TENM3: variants seen among roughly 807,000 people sequenced by gnomAD.
The protein encoded by TENM3 is teneurin-3.
TENM3 carries 63 observed loss-of-function variants against 255.1 expected under a neutral mutation model. The ratio of observed to expected loss-of-function variants is 0.25; its 90% CI spans 0.20 to 0.30. The LOEUF (loss-of-function observed/expected upper bound fraction) is 0.30. TENM3 is among the 10% of genes least tolerant of loss of function. The pLI, the probability that TENM3 is intolerant of heterozygous loss-of-function variation, is 1.00. For missense variants in TENM3, 2,929 were observed against 3,461.1 expected, an observed-to-expected ratio of 0.85 and a Z score of 3.86; for synonymous variants, 1,306 against 1,322.3, an observed-to-expected ratio of 0.99 and a Z score of 0.27.
chr4:182,103,893 T>A, the TENM3 span, among the ~76,000 whole-genome samples: 1 of 151,888 alleles, frequency 6.6e-6, no homozygotes, highest in South Asian at 2.1e-4. Context: ...ATGCAAATTG[T>A]CCTTTATTTT....
At chr4:182,795,464 T>C (rs920812315) in intron 26 of TENM3, among the ~76,000 whole-genome samples, 2 of 152,150 alleles carry the variant, frequency 1.3e-5, no homozygotes, top group Non-Finnish European at 2.9e-5. Context: ...GTGAACCACT[T>C]AGGATTTATG....
the TENM3 span, among the ~76,000 whole-genome samples, chr4:182,119,444 G>C: frequency 2.0e-5 from 3 of 151,422 alleles, no homozygotes; most frequent in Admixed American, 1.3e-4. Context: ...TTACGGTTCC[G>C]GTTTACCTCC....
At chr4:181,570,039 T>TC in the TENM3 span, among the ~76,000 whole-genome samples, 8 of 145,092 alleles carry the variant, frequency 5.5e-5, no homozygotes, top group East Asian at 2.0e-4. Context: ...ATGTTTCTTT[T>TC]TTTTTTTTTT....
the TENM3 span, among the ~76,000 whole-genome samples, chr4:181,720,634 A>G: frequency 3.9e-5 from 6 of 152,140 alleles, no homozygotes; most frequent in African/African-American, 1.4e-4. Flanking sequence ...ATTTTTTTTT[A>G]ACAAACACTC....
chr4:181,972,436 C>CAA, the TENM3 span, among the ~76,000 whole-genome samples: 45,301 of 114,728 alleles, frequency 0.39, 8,566 homozygotes, highest in South Asian at 0.48. Context: ...CCTCCTTGTC[C>CAA]AAAAAAAAAA....
chr4:181,688,292 T>C, the TENM3 span, among the ~76,000 whole-genome samples: 1 of 152,156 alleles, frequency 6.6e-6, no homozygotes, highest in African/African-American at 2.4e-5. Context: ...TAAGTTTCTT[T>C]GCCTAAGTCT....
intron 1 of TENM3, among the ~76,000 whole-genome samples, chr4:182,300,683 C>G (rs1761799462): frequency 6.6e-6 from 1 of 152,198 alleles, no homozygotes; most frequent in African/African-American, 2.4e-5. Flanking sequence ...CTGTAGAATT[C>G]TCTAGCTCGT....
chr4:181,779,972 C>A, the TENM3 span, among the ~76,000 whole-genome samples: 15 of 152,006 alleles, frequency 9.9e-5, no homozygotes, highest in African/African-American at 2.7e-4. Context: ...TGAACTCATC[C>A]TTTTTATGGC....
chr4:182,091,289 C>CA, the TENM3 span, among the ~76,000 whole-genome samples: 1 of 152,124 alleles, frequency 6.6e-6, no homozygotes, highest in Non-Finnish European at 1.5e-5. Context: ...ATCCAATCAA[C>CA]AAAAAGTATA....
the TENM3 span, among the ~76,000 whole-genome samples, chr4:181,864,711 T>C: frequency 1.3e-5 from 2 of 152,120 alleles, no homozygotes; most frequent in Non-Finnish European, 2.9e-5. Context: ...ACCGCCCGTA[T>C]AGGTATGAAC....
chr4:181,749,809 G>T, the TENM3 span, among the ~76,000 whole-genome samples: 1 of 152,150 alleles, frequency 6.6e-6, no homozygotes, highest in Admixed American at 6.6e-5. Flanking sequence ...TCTGTAAGTG[G>T]CAAGACTAGA....
chr4:182,792,324 T>A lies in TENM3; in HGVS notation c.5652T>A (p.Asp1884Glu), dbSNP rs760078724. 1.2e-6 allele frequency: 2 copies of A among 1,613,878 alleles called. No homozygotes were observed. The highest frequency in any genetic ancestry group is 8.5e-7 in the Non-Finnish European group (1 of 1,179,904). The change falls in exon 26 of 28, where the codon GAT (aspartate) becomes GAA (glutamate). Residue 1884 changes from aspartate to glutamate, a missense_variant. Physicochemically the swap from Asp to Glu is conservative, Grantham distance 45 (BLOSUM62 2). This residue lies in a region of TENM3 where 303 missense variants were observed against 425.2 expected (regional missense o/e 0.71). Coordinates refer to ENST00000511685, the MANE Select transcript of TENM3 (RefSeq NM_001080477.4). The surrounding 1 kb of genome is among the most constrained non-coding windows in gnomAD (Gnocchi z 6.3). Reference sequence around the variant, plus strand: ...AGCGGCAGTACATCTTCGAATACGATATGTGGGACCGCCTGTCTGCCATCA... The same window carrying A: ...AGCGGCAGTACATCTTCGAATACGAAATGTGGGACCGCCTGTCTGCCATCA... ...HSQRQYIFEY[D>E]MWDRLSAITM... is the part of the protein sequence containing the mutation.
the TENM3 span, among the ~76,000 whole-genome samples, chr4:181,605,574 G>GAAAGAAAA: frequency 4.6e-5 from 1 of 21,978 alleles, no homozygotes; most frequent in Non-Finnish European, 1.2e-4. Flanking sequence ...AAGAAAGAGA[G>GAAAGAAAA]AGAAAGAAAG....
At chr4:181,988,007 G>A in the TENM3 span, among the ~76,000 whole-genome samples, 1 of 151,908 alleles carries the variant, frequency 6.6e-6, no homozygotes, top group South Asian at 2.1e-4. Flanking sequence ...GGGGTAGGGG[G>A]TTAAATAAGG....
chr4:182,496,108 G>T (rs1735749285), intron 3 of TENM3, among the ~76,000 whole-genome samples: 1 of 152,116 alleles, frequency 6.6e-6, no homozygotes, highest in South Asian at 2.1e-4. Context: ...TTGCATGATA[G>T]AATTAAAGTT....
chr4:181,664,569 C>A, the TENM3 span, among the ~76,000 whole-genome samples: 3 of 152,122 alleles, frequency 2.0e-5, no homozygotes, highest in Non-Finnish European at 4.4e-5. Context: ...AGAACGATAA[C>A]CCGACGTGTT....
At chr4:181,749,871 G>T in the TENM3 span, among the ~76,000 whole-genome samples, 1 of 152,086 alleles carries the variant, frequency 6.6e-6, no homozygotes, top group African/African-American at 2.4e-5. Context: ...TCTTAAAGGG[G>T]CTCCTTTAAG....
At chr4:181,560,824 T>C in the TENM3 span, among the ~76,000 whole-genome samples, 64 of 152,178 alleles carry the variant, frequency 4.2e-4, no homozygotes, top group Admixed American at 7.9e-4. Context: ...ACAGCAGCTC[T>C]TTCTCTGCTC....
At chr4:182,378,329 T>C (rs1489809836) in intron 3 of TENM3, among the ~76,000 whole-genome samples, 3 of 152,190 alleles carry the variant, frequency 2.0e-5, no homozygotes, top group South Asian at 2.1e-4. Context: ...CTTACAAGTC[T>C]AGAGGGAAAG....
Sources: allele counts gnomAD v4.1 joint callset (sites outside exome capture counted in the v4.1 genomes callset), GRCh38; gene constraint gnomAD v4.1.1; regional missense constraint gnomAD v4.1.1; non-coding constraint Gnocchi (gnomAD v3.1); transcripts MANE v1.5; gene names NCBI Gene and HGNC (gene_info 2026-07-23, HGNC 2026-07-21).